The following CTNNA2 variants were observed in gnomAD, a reference collection of about 807,000 sequenced individuals.
The protein encoded by CTNNA2 is catenin alpha-2.
Under a neutral mutation model 101.0 loss-of-function variants are expected in CTNNA2, and 42 were observed. The ratio of observed to expected loss-of-function variants is 0.42; its 90% CI spans 0.32 to 0.54. CTNNA2 has a LOEUF of 0.54. Among genes scored for constraint, CTNNA2 ranks in the 20% least tolerant of loss-of-function variants. The probability of loss-of-function intolerance (pLI) is 0.14; values close to 1 mark genes in which losing one functional copy is unlikely to be tolerated. For missense variants in CTNNA2, 871 were observed against 1,223.1 expected (o/e 0.71, Z 4.29); for synonymous variants, 450 against 456.4 (o/e 0.99, Z 0.18).
intron 7 of CTNNA2, among the ~76,000 whole-genome samples, chr2:79,976,802 C>A (rs182837662): frequency 2.2e-4 from 34 of 152,264 alleles, no homozygotes; most frequent in Non-Finnish European, 3.2e-4. Context: ...GTTCCTTCCC[C>A]ACTTGGGGCA....
At chr2:80,142,124 T>A (rs1347911874) in intron 7 of CTNNA2, among the ~76,000 whole-genome samples, 1 of 152,080 alleles carries the variant, frequency 6.6e-6, no homozygotes, top group Non-Finnish European at 1.5e-5. Context: ...ATTAGAAAAA[T>A]TTTGGATGCA....
At chr2:79,568,745 G>A (rs1241174374) in intron 1 of CTNNA2, among the ~76,000 whole-genome samples, 1 of 151,430 alleles carries the variant, frequency 6.6e-6, no homozygotes, top group African/African-American at 2.4e-5. Context: ...CATAGGGCCA[G>A]GCACGGTGGC....
At chr2:79,802,916 G>A (rs1676278599) in intron 3 of CTNNA2, among the ~76,000 whole-genome samples, 2 of 152,220 alleles carry the variant, frequency 1.3e-5, no homozygotes, top group Admixed American at 6.5e-5. Context: ...TTCAACACCA[G>A]CTAAATGAGA....
chr2:80,039,113 T>A (rs1695863931), intron 7 of CTNNA2, among the ~76,000 whole-genome samples: 1 of 152,134 alleles, frequency 6.6e-6, no homozygotes, highest in South Asian at 2.1e-4. Context: ...GGGCATGTTT[T>A]ATATGTGTGT....
At chr2:79,646,483 T>C (rs964953392) in intron 1 of CTNNA2, among the ~76,000 whole-genome samples, 5 of 152,028 alleles carry the variant, frequency 3.3e-5, no homozygotes, top group African/African-American at 1.2e-4. Flanking sequence ...GGCTGTATTA[T>C]TACCTTACAT....
chr2:80,589,186 C>T, intron 14 of CTNNA2, 118 bp from the exon 15 acceptor site: 1 of 987,164 alleles, frequency 1.0e-6, no homozygotes, highest in Admixed American at 2.7e-5. Flanking sequence ...TCCGGAATGG[C>T]AGGGTAGCTC....
chr2:79,827,543 T>C (rs1678543144), intron 3 of CTNNA2, among the ~76,000 whole-genome samples: 1 of 152,174 alleles, frequency 6.6e-6, no homozygotes, highest in Admixed American at 6.5e-5. Context: ...ATATGGGTGA[T>C]GACCAAGGAG....
chr2:80,256,996 C>G (rs181247898), intron 7 of CTNNA2, among the ~76,000 whole-genome samples: 1 of 152,276 alleles, frequency 6.6e-6, no homozygotes. Context: ...GATGACCTCA[C>G]TTTAACCGTA....
chr2:79,234,758 G>C (rs1558581960), intron 2 of CTNNA2, among the ~76,000 whole-genome samples: 1 of 152,192 alleles, frequency 6.6e-6, no homozygotes, highest in East Asian at 1.9e-4. Flanking sequence ...ATTTGTATGA[G>C]AGAGCTTATT....
At chr2:80,610,903 C>T (rs536420377) in intron 17 of CTNNA2, among the ~76,000 whole-genome samples, 91 of 151,598 alleles carry the variant, frequency 6.0e-4, no homozygotes, top group African/African-American at 1.9e-3. Context: ...GGCATCATGA[C>T]GGCGATCTGG....
intron 4 of CTNNA2, among the ~76,000 whole-genome samples, chr2:79,492,126 C>T (rs1671211711): frequency 6.6e-6 from 1 of 151,626 alleles, no homozygotes; most frequent in African/African-American, 2.4e-5. Context: ...ATTGTATGTA[C>T]CTATAATGTT....
intron 7 of CTNNA2, among the ~76,000 whole-genome samples, chr2:79,930,384 C>T (rs2974147): frequency 0.21 from 31,756 of 150,100 alleles, 3,681 homozygotes; most frequent in Middle Eastern, 0.29. Flanking sequence ...GCCACCTCCT[C>T]CCTCACTTCA....
chr2:80,417,868 C>T (rs1290625680), intron 8 of CTNNA2, among the ~76,000 whole-genome samples: 3 of 152,028 alleles, frequency 2.0e-5, no homozygotes, highest in African/African-American at 7.2e-5. Context: ...CATTTTTGTG[C>T]ACATTATCTT....
intron 3 of CTNNA2, among the ~76,000 whole-genome samples, chr2:79,810,677 C>CT (rs1558948970): frequency 6.6e-6 from 1 of 151,536 alleles, no homozygotes; most frequent in Non-Finnish European, 1.5e-5. Flanking sequence ...TACCTCCCCC[C>CT]TCCCCCCACT....
intron 1 of CTNNA2, among the ~76,000 whole-genome samples, chr2:79,554,755 A>G (rs900039724): frequency 2.0e-5 from 3 of 152,184 alleles, no homozygotes; most frequent in African/African-American, 7.2e-5. Flanking sequence ...AAACAGTTCC[A>G]CAGAAATGGA....
At chr2:79,800,090 T>C (rs1676039438) in intron 3 of CTNNA2, among the ~76,000 whole-genome samples, 1 of 152,184 alleles carries the variant, frequency 6.6e-6, no homozygotes, top group African/African-American at 2.4e-5. Context: ...TGTCACTATA[T>C]CAGAATTTGC....
At chr2:79,495,237 T>G (rs1452204421) in intron 4 of CTNNA2, among the ~76,000 whole-genome samples, 1 of 152,228 alleles carries the variant, frequency 6.6e-6, no homozygotes. Flanking sequence ...TACAGAATTA[T>G]ATACAGAATA....
intron 6 of CTNNA2, 109 bp from the exon 7 acceptor site, chr2:79,909,485 C>T (rs1685643325): frequency 1.2e-6 from 1 of 833,880 alleles, no homozygotes; most frequent in Non-Finnish European, 1.9e-6. Flanking sequence ...AGTTTCTCCT[C>T]CTTGGGGACT....
chr2:80,503,660 T>C (rs769197171), intron 9 of CTNNA2, among the ~76,000 whole-genome samples: 3 of 152,146 alleles, frequency 2.0e-5, no homozygotes, highest in Non-Finnish European at 4.4e-5. Flanking sequence ...TTGATTAATA[T>C]TGTTTAGAAA....
Sources: gnomAD v4.1 joint callset for allele counts (sites outside exome capture counted in the v4.1 genomes callset) on GRCh38, gnomAD v4.1.1 for gene constraint, MANE v1.5 for transcripts, NCBI Gene and HGNC (gene_info 2026-07-23, HGNC 2026-07-21) for gene names.